The following RASGRF2 variants were observed in gnomAD, a reference collection of about 807,000 sequenced individuals.
RASGRF2 encodes the protein Ras protein specific guanine nucleotide releasing factor 2, also known as ras-specific guanine nucleotide-releasing factor 2.
In RASGRF2, 76 loss-of-function variants were observed where a neutral mutation model predicts 151.0. That is an observed-to-expected ratio of 0.50 (90% CI 0.42 to 0.61). RASGRF2 has a LOEUF of 0.61. Among genes scored for constraint, RASGRF2 ranks in the 20% least tolerant of loss-of-function variants. RASGRF2 has a pLI of 0.00. For missense variants in RASGRF2, 1,148 were observed against 1,564.6 expected (o/e 0.73, Z 4.49); for synonymous variants, 504 against 566.5 (o/e 0.89, Z 1.57).
chr5:81,042,273 G>T (rs1376499946), intron 1 of RASGRF2, among the ~76,000 whole-genome samples: 1 of 152,154 alleles, frequency 6.6e-6, no homozygotes, highest in African/African-American at 2.4e-5. Flanking sequence ...CCCTAGGATG[G>T]CAATTACATT....
intron 1 of RASGRF2, among the ~76,000 whole-genome samples, chr5:81,030,832 T>C (rs2112360529): frequency 6.6e-6 from 1 of 152,116 alleles, no homozygotes; most frequent in Admixed American, 6.5e-5. Flanking sequence ...GGCTAAATGC[T>C]CCAATTAAAA....
At chr5:81,176,574 GA>G (rs1345343820) in intron 17 of RASGRF2, among the ~76,000 whole-genome samples, 2 of 152,104 alleles carry the variant, frequency 1.3e-5, no homozygotes, top group African/African-American at 4.8e-5. Context: ...TGTGCCTACT[GA>G]TCATTGCACA....
intron 1 of RASGRF2, among the ~76,000 whole-genome samples, chr5:80,994,148 G>A (rs533316703): frequency 4.6e-5 from 7 of 151,954 alleles, no homozygotes; most frequent in African/African-American, 1.2e-4. Context: ...GGCGGATCAC[G>A]AGGTCAGGAG....
At chr5:81,153,242 A>G (rs1200236752) in intron 17 of RASGRF2, among the ~76,000 whole-genome samples, 1 of 152,202 alleles carries the variant, frequency 6.6e-6, no homozygotes, top group Admixed American at 6.5e-5. Context: ...TTACATGGCA[A>G]AGGAAATTAA....
In RASGRF2 at chr5:81,109,217, A is replaced by C. The variant is rs535704290; in HGVS notation, c.1838+139A>C. The C allele has an allele frequency of 2.9e-4, 405 of 1,388,188 alleles. 2 individuals are homozygous for C. The African/African-American group carries it at 5.1e-3, about 18-fold the overall frequency. The allele number at this position is 1,388,188 out of a possible 1,614,324, so 86.0% of individuals were successfully genotyped here. Reference sequence around the variant, plus strand: ...TTTCTTGACAGGAATGCAGTGATTCATATGATTCCATTATAAATGAGACTA... The same window carrying C: ...TTTCTTGACAGGAATGCAGTGATTCCTATGATTCCATTATAAATGAGACTA... On this transcript the variant is annotated intron_variant, in intron 13 of 26. Transcript: ENST00000265080.
At chr5:81,004,173 G>C in intron 1 of RASGRF2, among the ~76,000 whole-genome samples, 1 of 152,200 alleles carries the variant, frequency 6.6e-6, no homozygotes, top group East Asian at 1.9e-4. Context: ...AGCATGTAAG[G>C]TTCTCTGGAA....
intron 5 of RASGRF2, among the ~76,000 whole-genome samples, 200 bp from the exon 6 acceptor site, chr5:81,079,921 T>A (rs1752038850): frequency 6.6e-6 from 1 of 152,204 alleles, no homozygotes; most frequent in Non-Finnish European, 1.5e-5. Context: ...CTCTAATATT[T>A]GAATGTTATA....
intron 2 of RASGRF2, among the ~76,000 whole-genome samples, chr5:81,054,879 T>C (rs547743760): frequency 9.9e-4 from 150 of 151,884 alleles, no homozygotes; most frequent in African/African-American, 3.5e-3. Context: ...TTTTATTCTC[T>C]TTGAAGCAAT....
At chr5:80,998,444 T>A (rs908091253) in intron 1 of RASGRF2, among the ~76,000 whole-genome samples, 1 of 152,076 alleles carries the variant, frequency 6.6e-6, no homozygotes, top group Non-Finnish European at 1.5e-5. Flanking sequence ...AAGCCGAAAA[T>A]AGGTTTTGTT....
intron 17 of RASGRF2, among the ~76,000 whole-genome samples, chr5:81,168,309 C>CT (rs70994426): frequency 0.13 from 15,027 of 115,862 alleles, 1,334 homozygotes; most frequent in South Asian, 0.2. Context: ...TTTTTCTTCT[C>CT]TTTTTTTTTT....
intron 1 of RASGRF2, among the ~76,000 whole-genome samples, 184 bp from the exon 2 acceptor site, chr5:81,042,693 G>C (rs1750713864): frequency 6.6e-6 from 1 of 152,150 alleles, no homozygotes; most frequent in African/African-American, 2.4e-5. Context: ...GCAGTCTGTG[G>C]TATCTTCTAG....
intron 17 of RASGRF2, among the ~76,000 whole-genome samples, chr5:81,167,648 G>T (rs1415787088): frequency 1.3e-5 from 2 of 152,164 alleles, no homozygotes; most frequent in Admixed American, 6.5e-5. Context: ...GCAGCTGCAG[G>T]CAGGGATGCC....
chr5:81,107,715 G>A (rs914355477), intron 12 of RASGRF2, among the ~76,000 whole-genome samples: 14 of 152,204 alleles, frequency 9.2e-5, no homozygotes, highest in East Asian at 3.9e-4. Context: ...TAATCCACTC[G>A]TGGGATAAGG....
chr5:81,059,699 G>T (rs967316474), intron 2 of RASGRF2, among the ~76,000 whole-genome samples: 1 of 152,002 alleles, frequency 6.6e-6, no homozygotes, highest in Admixed American at 6.6e-5. Flanking sequence ...ATAAAAATTA[G>T]CCAGGCATGG....
chr5:80,969,815 CTTTTTTTTTTTTTTTTT>C (rs10584906), intron 1 of RASGRF2, among the ~76,000 whole-genome samples: 4 of 76,940 alleles, frequency 5.2e-5, no homozygotes, highest in African/African-American at 2.0e-4. Flanking sequence ...ACTTCTTCTT[CTTTTTTTTTTTTTTTTT>C]TTTTTTTTTT....
chr5:80,962,432 A>AT (rs982023620), intron 1 of RASGRF2, among the ~76,000 whole-genome samples: 6 of 151,908 alleles, frequency 3.9e-5, no homozygotes, highest in East Asian at 3.9e-4. Context: ...TATTGGTGGG[A>AT]TTTTTTTTAA....
chr5:81,152,785 A>T (rs2112622952), intron 17 of RASGRF2, among the ~76,000 whole-genome samples: 1 of 152,332 alleles, frequency 6.6e-6, no homozygotes, highest in Non-Finnish European at 1.5e-5. Context: ...GCTAGATAAG[A>T]ACAGTGGGTG....
chr5:81,130,216 T>G (rs1753580571), intron 17 of RASGRF2, among the ~76,000 whole-genome samples: 1 of 152,216 alleles, frequency 6.6e-6, no homozygotes, highest in Non-Finnish European at 1.5e-5. Context: ...TCAATGTTGC[T>G]AGGTGTTGGG....
intron 17 of RASGRF2, among the ~76,000 whole-genome samples, chr5:81,170,112 TACCACCAGCATCACCTGC>T (rs1754623801): frequency 7.4e-6 from 1 of 135,910 alleles, no homozygotes; most frequent in African/African-American, 2.9e-5. Flanking sequence ...GTATCACCCA[TACCACCAGCATCACCTGC>T]ACCACCTGCA....
Sources: gnomAD v4.1 joint callset for allele counts (sites outside exome capture counted in the v4.1 genomes callset) on GRCh38, gnomAD v4.1.1 for gene constraint, MANE v1.5 for transcripts, NCBI Gene and HGNC (gene_info 2026-07-23, HGNC 2026-07-21) for gene names.